Variants in PCDHGC3 observed in about 807,000 individuals in gnomAD.
The protein encoded by PCDHGC3 is protocadherin gamma-C3.
PCDHGC3 carries 26 observed loss-of-function variants against 59.2 expected under a neutral mutation model. The observed-to-expected ratio is 0.44, with a 90% confidence interval of 0.32 to 0.61. The LOEUF is 0.61. Among genes scored for constraint, PCDHGC3 ranks in the 20% least tolerant of loss-of-function variants. PCDHGC3 has a pLI of 0.05. For missense variants in PCDHGC3, 1,080 were observed against 1,221.8 expected (o/e 0.88, Z 1.73); for synonymous variants, 487 against 519.7 (o/e 0.94, Z 0.86).
At chr5:141,502,880 T>TTTTTTTTTTG (rs2099816747) in intron 2 of PCDHGC3, among the ~76,000 whole-genome samples, 1 of 151,000 alleles carries the variant, frequency 6.6e-6, no homozygotes, top group African/African-American at 2.4e-5. Context: ...TTTTTTTTTT[T>TTTTTTTTTTG]GACAGGGAGT....
At chr5:141,502,866 C>CTTTTTTTT (rs549047197) in intron 2 of PCDHGC3, among the ~76,000 whole-genome samples, 38,988 of 127,080 alleles carry the variant, frequency 0.31, 7,978 homozygotes, top group African/African-American at 0.51. Flanking sequence ...GACTCTCTGT[C>CTTTTTTTT]TTTTTTTTTT....
At position 141,486,243 on chromosome 5, in the gene PCDHGC3, G is replaced by A. The variant is rs754924567; in HGVS notation, c.2430+7697G>A. 18 of 1,614,156 alleles carry A rather than the reference G, an allele frequency of 1.1e-5. No individual in the cohort carries two copies. The highest frequency in any genetic ancestry group is 1.4e-5 in the Non-Finnish European group (16 of 1,180,018). ...TACATCACAGTGACCTCAGAGCTTG[G>A]AACCCTCCCCGAGAGTGCAGAACCT... On this transcript the variant is annotated intron_variant, in intron 1 of 3. Coordinates refer to ENST00000308177, the MANE Select transcript of PCDHGC3 (RefSeq NM_002588.4). This position sits in a 1 kb window ranked among gnomAD's most constrained non-coding sequence, Gnocchi z 5.0.
rs1393235114 is a variant in PCDHGC3, at chr5:141,476,581, G to T, written c.465G>T (p.Pro155=). ...SEAVAPGTRF[P]LESAHDPDVG... ...CCGTGGCTCCGGGGACGCGCTTTCC[G>T]CTCGAGAGCGCGCACGATCCCGATG... Residue 155 remains proline, a synonymous_variant, in exon 1 of 4, where the codon CCG becomes CCT. Transcript: ENST00000308177. This position sits in a 1 kb window ranked among gnomAD's most constrained non-coding sequence, Gnocchi z 7.6. 8.7e-6 allele frequency: 14 copies of T among 1,614,112 alleles called. No homozygotes were observed. The Admixed American group carries it at 2.2e-4, about 25-fold the overall frequency.
rs919100488 is a variant in PCDHGC3 at position 141,511,573 on chromosome 5, G to A, written c.*400G>A. On this transcript the variant is annotated 3_prime_UTR_variant, in exon 4 of 4. Transcript: ENST00000308177. ...ACAGTTCCTCTTTCCCGAGTAAGGT[G>A]GTTGGGGTGTTGAAGTACCAAGTAA... 1.1e-4 allele frequency: 33 copies of A among 288,248 alleles called. No individual in the cohort carries two copies. Among genetic ancestry groups the A allele is most frequent in the African/African-American group, 7.1e-4 (33 of 46,356 alleles). The allele number at this position is 288,248 out of a possible 1,614,324, so 17.9% of individuals were successfully genotyped here.
chr5:141,491,434 A>G lies in PCDHGC3; in HGVS notation c.2431-3373A>G, dbSNP rs1362196179. The G allele has an allele frequency of 6.2e-7, 1 of 1,614,032 alleles. No individual in the cohort carries two copies. ...GGACGGGGGTGGAGGGCAGTGCTGC[A>G]GGCGCCAGGACTCACCCTCCCCGGA... On this transcript the variant is annotated intron_variant, in intron 1 of 3. Coordinates refer to ENST00000308177, the MANE Select transcript of PCDHGC3 (RefSeq NM_002588.4). The surrounding 1 kb of genome is among the most constrained non-coding windows in gnomAD (Gnocchi z 6.9).
chr5:141,476,868 C>T lies in PCDHGC3; in HGVS notation c.752C>T (p.Ala251Val), dbSNP rs1213404395. The change falls in exon 1 of 4, where the codon GCG (alanine) becomes GTG (valine). Residue 251 changes from alanine to valine, a missense_variant. By Grantham distance (64) the Ala-to-Val change is moderately conservative. Coordinates refer to ENST00000308177, the MANE Select transcript of PCDHGC3 (RefSeq NM_002588.4). This position sits in a 1 kb window ranked among gnomAD's most constrained non-coding sequence, Gnocchi z 7.6. ...GTCTTCAACCAGTCCTTGTACCGGG[C>T]GCGCGTCCTGGAGGATGCACCCTCC... The part of the protein sequence containing the change: ...APVFNQSLYR[A>V]RVLEDAPSGT... 3 of 1,613,874 alleles carry T rather than the reference C, an allele frequency of 1.9e-6. No individual in the cohort carries two copies. Among genetic ancestry groups the T allele is most frequent in the Admixed American group, 3.3e-5 (2 of 60,026 alleles).
At position 141,486,882 on chromosome 5, in the gene PCDHGC3, C is replaced by T; in HGVS notation, c.2431-7925C>T. The T allele has an allele frequency of 6.2e-7, 1 of 1,614,244 alleles. No individual in the cohort carries two copies. The highest frequency in any genetic ancestry group is 1.1e-5 in the South Asian group (1 of 91,086). On this transcript the variant is annotated intron_variant, in intron 1 of 3. Transcript: ENST00000308177. This position sits in a 1 kb window ranked among gnomAD's most constrained non-coding sequence, Gnocchi z 5.0. ...GCTCCAGCTGTGCTCCGTCCTCGGG[C>T]CCGGCCTGGTTCCTTATGTCCCCAA...
rs1235728365 is a variant in PCDHGC3 at position 141,485,502 on chromosome 5, C to T, written c.2430+6956C>T. ...TGCATCGTGCCCCTGGAGTTTGTCACCGAAGGTCCTTTGGAAATGTACCGA... is the reference window on the plus strand; with the variant it reads ...TGCATCGTGCCCCTGGAGTTTGTCATCGAAGGTCCTTTGGAAATGTACCGA... On this transcript the variant is annotated intron_variant, in intron 1 of 3. Transcript: ENST00000308177. This position sits in a 1 kb window ranked among gnomAD's most constrained non-coding sequence, Gnocchi z 5.7. 2 of 1,614,114 alleles carry T rather than the reference C, an allele frequency of 1.2e-6. No homozygotes were observed. Among genetic ancestry groups the T allele is most frequent in the Non-Finnish European group, 8.5e-7 (1 of 1,180,044 alleles).
Position 141,491,665 on chromosome 5 carries a change from C to G in PCDHGC3, c.2431-3142C>G. The stretch of plus-strand genomic sequence containing the variant: ...TCTGGCGCTGGAGCCTGACGCCATC[C>G]GGTCCCGCTCTAATACGCTGCGGGA... On this transcript the variant is annotated intron_variant, in intron 1 of 3. Transcript: ENST00000308177. This position sits in a 1 kb window ranked among gnomAD's most constrained non-coding sequence, Gnocchi z 6.9. 1 of 1,613,764 alleles carries G rather than the reference C, an allele frequency of 6.2e-7. No homozygotes were observed. Among genetic ancestry groups the G allele is most frequent in the Non-Finnish European group, 8.5e-7 (1 of 1,180,000 alleles).
In PCDHGC3 at chr5:141,477,018, C is replaced by T. The variant is rs2099403540; in HGVS notation, c.902C>T (p.Thr301Ile). The T allele has an allele frequency of 3.1e-6, 5 of 1,614,262 alleles. No homozygotes were observed. Among genetic ancestry groups the T allele is most frequent in the Non-Finnish European group, 4.2e-6 (5 of 1,180,048 alleles). ...VRQLFALDLVTGMLTIKGRLD... is the reference protein window; with the variant it reads ...VRQLFALDLVIGMLTIKGRLD... ...CAACTATTCGCCTTAGACCTTGTAA[C>T]CGGGATGCTGACAATCAAGGGTCGG... The change falls in exon 1 of 4, where the codon ACC becomes ATC. Residue 301 changes from threonine (T) to isoleucine (I), a missense_variant. Coordinates refer to ENST00000308177, the MANE Select transcript of PCDHGC3 (RefSeq NM_002588.4). The surrounding 1 kb of genome is among the most constrained non-coding windows in gnomAD (Gnocchi z 4.9).
At chr5:141,492,859 C>G (rs966216924) in intron 1 of PCDHGC3, among the ~76,000 whole-genome samples, 1 of 152,232 alleles carries the variant, frequency 6.6e-6, no homozygotes, top group Non-Finnish European at 1.5e-5. Context: ...CTCGAGCGCC[C>G]TGGCTCTCAA....
chr5:141,505,832 T>G (rs1006398435), intron 3 of PCDHGC3, among the ~76,000 whole-genome samples: 1 of 152,188 alleles, frequency 6.6e-6, no homozygotes, highest in African/African-American at 2.4e-5. Flanking sequence ...AAACCTCAGT[T>G]TCCTCAGCCT....
chr5:141,477,258 C>A lies in PCDHGC3; in HGVS notation c.1142C>A (p.Ala381Asp). ...IALLSVTDLD[A>D]GENGLVTCEV... ...TTGCTCAGTGTGACTGACCTGGATG[C>A]TGGCGAGAACGGGCTGGTGACCTGC... Residue 381 changes from alanine to aspartate, a missense_variant, in exon 1 of 4, where the codon GCT becomes GAT. Coordinates refer to ENST00000308177, the MANE Select transcript of PCDHGC3 (RefSeq NM_002588.4). The surrounding 1 kb of genome is among the most constrained non-coding windows in gnomAD (Gnocchi z 4.9). 6.2e-7 allele frequency: 1 copy of A among 1,614,208 alleles called. No homozygotes were observed. Among genetic ancestry groups the A allele is most frequent in the Non-Finnish European group, 8.5e-7 (1 of 1,180,042 alleles).
At chr5:141,497,742 T>C (rs2099779149) in intron 2 of PCDHGC3, among the ~76,000 whole-genome samples, 1 of 152,128 alleles carries the variant, frequency 6.6e-6, no homozygotes, top group South Asian at 2.1e-4. Context: ...TTTCGCCACG[T>C]TGGCCAGGCT....
intron 3 of PCDHGC3, chr5:141,507,285 C>T (rs80317708): frequency 2.7e-5 from 4 of 150,212 alleles, no homozygotes; most frequent in African/African-American, 7.4e-5. Flanking sequence ...ATAAGTCAGT[C>T]TCAAATGTTG....
chr5:141,506,444 CAAAAAA>C (rs1219684339), intron 3 of PCDHGC3, among the ~76,000 whole-genome samples: 1 of 95,026 alleles, frequency 1.1e-5, no homozygotes, highest in African/African-American at 4.0e-5. Flanking sequence ...CGCTCTGTCT[CAAAAAA>C]AAAAAAAAAA....
rs773763605 is a variant in PCDHGC3, at chr5:141,476,631, A to G, written c.515A>G (p.Tyr172Cys). The change falls in exon 1 of 4, where the codon TAT becomes TGT. Residue 172 changes from tyrosine (Y) to cysteine (C), a missense_variant. Transcript: ENST00000308177. The surrounding 1 kb of genome is among the most constrained non-coding windows in gnomAD (Gnocchi z 7.6). The part of the protein sequence containing the change: ...PDVGSNSLQT[Y>C]ELSRNEYFAL... ...GTGGGAAGCAACTCTTTACAAACCT[A>G]TGAGCTGAGCCGAAATGAATACTTT... The G allele has an allele frequency of 2.5e-6, 4 of 1,614,224 alleles. No individual in the cohort carries two copies. Among genetic ancestry groups the G allele is most frequent in the Admixed American group, 1.7e-5 (1 of 60,032 alleles).
chr5:141,506,372 C>A (rs1243713695), intron 3 of PCDHGC3, among the ~76,000 whole-genome samples: 1 of 151,402 alleles, frequency 6.6e-6, no homozygotes, highest in Non-Finnish European at 1.5e-5. Context: ...TCGCTTGAAC[C>A]TGGGAGGTGG....
intron 3 of PCDHGC3, among the ~76,000 whole-genome samples, chr5:141,506,444 C>T (rs542906499): frequency 2.1e-5 from 2 of 95,022 alleles, no homozygotes; most frequent in South Asian, 3.6e-4. Flanking sequence ...CGCTCTGTCT[C>T]AAAAAAAAAA....
Sources: gnomAD v4.1 joint callset for allele counts (sites outside exome capture counted in the v4.1 genomes callset) on GRCh38, gnomAD v4.1.1 for gene constraint, Gnocchi (gnomAD v3.1) non-coding constraint, MANE v1.5 for transcripts, NCBI Gene and HGNC (gene_info 2026-07-23, HGNC 2026-07-21) for gene names.